The following ZFYVE16 variants were observed in gnomAD, a reference collection of about 807,000 sequenced individuals.
The protein encoded by ZFYVE16 is zinc finger FYVE domain-containing protein 16.
ZFYVE16 carries 89 observed loss-of-function variants against 138.1 expected under a neutral mutation model. The ratio of observed to expected loss-of-function variants is 0.64; its 90% CI spans 0.54 to 0.77. The LOEUF (loss-of-function observed/expected upper bound fraction) is 0.77, where lower values mean the gene tolerates loss of function less well. ZFYVE16 is among the 30% of genes least tolerant of loss of function. The pLI is 0.00. For missense variants in ZFYVE16, 1,793 were observed against 1,786.7 expected, an observed-to-expected ratio of 1.00 and a Z score of -0.06; for synonymous variants, 596 against 618.3, an observed-to-expected ratio of 0.96 and a Z score of 0.53.
At chr5:80,449,842 A>G in intron 9 of ZFYVE16, 129 bp downstream of exon 9, 1 of 1,038,938 alleles carries the variant, frequency 9.6e-7, no homozygotes, top group Middle Eastern at 3.3e-4. Flanking sequence ...TTTCAGCCAC[A>G]TATGACTGTA....
chr5:80,430,922 G>A (rs943503483), intron 2 of ZFYVE16, among the ~76,000 whole-genome samples: 1 of 152,162 alleles, frequency 6.6e-6, no homozygotes, highest in Non-Finnish European at 1.5e-5. Flanking sequence ...ATCAATAACA[G>A]GCTCTGAAAT....
chr5:80,421,135 A>T (rs1470384426), intron 1 of ZFYVE16, among the ~76,000 whole-genome samples: 1 of 151,744 alleles, frequency 6.6e-6, no homozygotes, highest in Non-Finnish European at 1.5e-5. Flanking sequence ...CCACTTTTTG[A>T]TGGGGTTGTT....
chr5:80,435,354 A>T (rs1041434243), intron 3 of ZFYVE16, among the ~76,000 whole-genome samples: 6 of 152,090 alleles, frequency 3.9e-5, no homozygotes, highest in African/African-American at 7.2e-5. Context: ...TTTTTGGTAG[A>T]GATGGGGTTT....
chr5:80,466,906 C>T (rs998925710), intron 15 of ZFYVE16, among the ~76,000 whole-genome samples: 1 of 152,182 alleles, frequency 6.6e-6, no homozygotes, highest in Non-Finnish European at 1.5e-5. Flanking sequence ...GTTATTTTAA[C>T]TTGCCCTATA....
intron 2 of ZFYVE16, among the ~76,000 whole-genome samples, chr5:80,432,352 C>T (rs1749175207): frequency 6.6e-6 from 1 of 151,988 alleles, no homozygotes; most frequent in South Asian, 2.1e-4. Context: ...CCCTATTTAA[C>T]AAATGGTGCT....
At chr5:80,426,280 A>G (rs1250193831) in intron 1 of ZFYVE16, among the ~76,000 whole-genome samples, 283 of 110,052 alleles carry the variant, frequency 2.6e-3, no homozygotes, top group African/African-American at 8.6e-3. Context: ...GTGTATATAT[A>G]TATATATATA....
intron 2 of ZFYVE16, among the ~76,000 whole-genome samples, chr5:80,429,163 C>T (rs1380064356): frequency 6.6e-6 from 1 of 151,990 alleles, no homozygotes; most frequent in Non-Finnish European, 1.5e-5. Context: ...TCAGATTCAC[C>T]AAAATTGAAA....
chr5:80,478,992 T>G lies in ZFYVE16; in HGVS notation c.*1615T>G, dbSNP rs1416403405. 1 of 152,182 alleles carries G rather than the reference T, an allele frequency of 6.6e-6. No individual in the cohort carries two copies. Among genetic ancestry groups the G allele is most frequent in the Non-Finnish European group, 1.5e-5 (1 of 68,000 alleles). The allele number at this position is 152,182 out of a possible 1,614,324, so 9.4% of individuals were successfully genotyped here. On this transcript the variant is annotated 3_prime_UTR_variant, in exon 19 of 19. Coordinates refer to ENST00000505560, the MANE Select transcript of ZFYVE16 (RefSeq NM_001284236.3). ...TTTTCTAAATATAGTGTATGTATTC[T>G]GCCATGTAAGTAATTGAACAGTCTT...
chr5:80,430,047 A>C (rs1283907052), intron 2 of ZFYVE16, among the ~76,000 whole-genome samples: 5 of 152,174 alleles, frequency 3.3e-5, no homozygotes, highest in African/African-American at 1.2e-4. Context: ...GAAAGTTAAC[A>C]AGGATATCCA....
At chr5:80,473,949 A>G (rs1561340188) in intron 17 of ZFYVE16, 90 bp downstream of exon 17, 3 of 897,540 alleles carry the variant, frequency 3.3e-6, no homozygotes, top group Non-Finnish European at 5.2e-6. Flanking sequence ...CTAAATATTT[A>G]TGCATAGCTT....
intron 14 of ZFYVE16, 101 bp downstream of exon 14, chr5:80,457,193 G>A (rs1271573165): frequency 1.4e-6 from 2 of 1,451,332 alleles, no homozygotes; most frequent in Admixed American, 2.7e-5. Flanking sequence ...TTGCTGAATT[G>A]TTGGTGATAA....
chr5:80,451,428 T>A (rs1367109108), intron 10 of ZFYVE16, 57 bp from the exon 11 acceptor site: 1 of 1,405,256 alleles, frequency 7.1e-7, no homozygotes, highest in Non-Finnish European at 9.7e-7. Flanking sequence ...TAAGAACATT[T>A]CTTCAAAACA....
At chr5:80,408,920 CTT>C (rs1340852836) in intron 1 of ZFYVE16, among the ~76,000 whole-genome samples, 2 of 152,162 alleles carry the variant, frequency 1.3e-5, no homozygotes, top group Admixed American at 6.5e-5. Flanking sequence ...CTTGTCGTCT[CTT>C]GAGTTGGCGG....
In ZFYVE16 at chr5:80,438,662, AAGG is replaced by A. The variant is rs779764380; in HGVS notation, c.1980_1982del (p.Arg660del). 2 of 1,614,128 alleles carry A rather than the reference AAGG, an allele frequency of 1.2e-6. No individual in the cohort carries two copies. Among genetic ancestry groups the A allele is most frequent in the Non-Finnish European group, 1.7e-6 (2 of 1,179,980 alleles). ...AATTGTTTAGCCTTCCATCAAGAAC[AAGG>A]AGTTCAAAGGACCTGAATAAGCCAG... On this transcript the variant is annotated inframe_deletion, in exon 4 of 19. Coordinates refer to ENST00000505560, the MANE Select transcript of ZFYVE16 (RefSeq NM_001284236.3).
At chr5:80,426,607 T>C (rs1308968880) in intron 1 of ZFYVE16, among the ~76,000 whole-genome samples, 1 of 152,166 alleles carries the variant, frequency 6.6e-6, no homozygotes, top group African/African-American at 2.4e-5. Context: ...GCCTCATCCA[T>C]GTACCTGCAA....
intron 5 of ZFYVE16, chr5:80,440,793 T>C (rs1750625445): frequency 2.0e-6 from 2 of 985,202 alleles, no homozygotes; most frequent in South Asian, 9.4e-5. Flanking sequence ...CTAGCAAATA[T>C]TACTTGGGCC....
At chr5:80,422,540 C>T (rs894979874) in intron 1 of ZFYVE16, among the ~76,000 whole-genome samples, 16 of 151,984 alleles carry the variant, frequency 1.1e-4, no homozygotes, top group African/African-American at 3.4e-4. Flanking sequence ...CTGCAACCTC[C>T]GCCTCCCGGA....
chr5:80,441,715 A>C, intron 5 of ZFYVE16: 1 of 985,436 alleles, frequency 1.0e-6, no homozygotes, highest in Non-Finnish European at 1.2e-6. Flanking sequence ...ATTTGAGGCA[A>C]GTTAGAAATT....
chr5:80,455,550 T>G, intron 11 of ZFYVE16, 142 bp from the exon 12 acceptor site: 2 of 697,942 alleles, frequency 2.9e-6, no homozygotes, highest in East Asian at 6.2e-5. Context: ...AAAAAAAAAA[T>G]TATCTCTCAC....
Sources: allele counts gnomAD v4.1 joint callset (sites outside exome capture counted in the v4.1 genomes callset), GRCh38; gene constraint gnomAD v4.1.1; transcripts MANE v1.5; gene names NCBI Gene and HGNC (gene_info 2026-07-23, HGNC 2026-07-21).